The following CDH13 variants were observed in gnomAD, a reference collection of about 807,000 sequenced individuals.
CDH13 encodes the protein cadherin 13.
A neutral mutation model predicts 63.8 loss-of-function variants in CDH13; 24 were observed. That is an observed-to-expected ratio of 0.38 (90% CI 0.27 to 0.53). The LOEUF is 0.53. Ranked by LOEUF, CDH13 falls within the 20% of genes least tolerant of loss-of-function variation. CDH13 has a pLI of 0.85. For missense variants in CDH13, 1,049 were observed against 903.1 expected, an observed-to-expected ratio of 1.16 and a Z score of -2.07; for synonymous variants, 503 against 355.3, an observed-to-expected ratio of 1.42 and a Z score of -4.67.
intron 1 of CDH13, among the ~76,000 whole-genome samples, chr16:82,771,052 A>T (rs2035243949): frequency 6.6e-6 from 1 of 152,228 alleles, no homozygotes; most frequent in Admixed American, 6.5e-5. Context: ...TTTTTAAAAA[A>T]TTAAGTTGTG....
intron 2 of CDH13, among the ~76,000 whole-genome samples, chr16:83,000,297 G>A (rs1278935578): frequency 1.8e-5 from 2 of 109,984 alleles, no homozygotes; most frequent in Non-Finnish European, 3.4e-5. Flanking sequence ...TGCCCAGACT[G>A]TAGTGCAAAG....
intron 7 of CDH13, among the ~76,000 whole-genome samples, chr16:83,548,324 C>G (rs2075426884): frequency 6.6e-6 from 1 of 152,068 alleles, no homozygotes; most frequent in African/African-American, 2.4e-5. Context: ...TTGGTTGTTG[C>G]AACTGGCTGG....
At chr16:83,197,464 C>T (rs1244310404) in intron 4 of CDH13, among the ~76,000 whole-genome samples, 3 of 152,082 alleles carry the variant, frequency 2.0e-5, no homozygotes, top group South Asian at 2.1e-4. Context: ...CTGTTCACCC[C>T]GTTATGCTCT....
intron 5 of CDH13, among the ~76,000 whole-genome samples, chr16:83,290,043 G>C (rs537538334): frequency 6.6e-6 from 1 of 152,136 alleles, no homozygotes; most frequent in African/African-American, 2.4e-5. Context: ...AGATTGGCCT[G>C]TTTGGGGACT....
At chr16:82,702,477 A>G (rs2031118729) in intron 1 of CDH13, among the ~76,000 whole-genome samples, 1 of 152,178 alleles carries the variant, frequency 6.6e-6, no homozygotes. Context: ...CAGTGCAGGC[A>G]CCATAAATAC....
chr16:82,686,922 TTGTC>T (rs1463389069), intron 1 of CDH13, among the ~76,000 whole-genome samples: 1 of 152,166 alleles, frequency 6.6e-6, no homozygotes, highest in East Asian at 1.9e-4. Context: ...ACAGACAACA[TTGTC>T]TGTTTTTCAT....
chr16:83,360,624 G>A (rs184887854), intron 6 of CDH13, among the ~76,000 whole-genome samples: 78 of 152,164 alleles, frequency 5.1e-4, no homozygotes, highest in Middle Eastern at 3.4e-3. Flanking sequence ...AGCACCCTCC[G>A]CTAGTCCCCA....
intron 1 of CDH13, among the ~76,000 whole-genome samples, chr16:82,652,886 A>G (rs1009013725): frequency 1.3e-5 from 2 of 152,132 alleles, no homozygotes; most frequent in African/African-American, 2.4e-5. Flanking sequence ...GAAAATCAAA[A>G]CTGTTGCTCA....
chr16:82,671,876 T>TGC (rs1913286510), intron 1 of CDH13, among the ~76,000 whole-genome samples: 1 of 152,166 alleles, frequency 6.6e-6, no homozygotes, highest in Non-Finnish European at 1.5e-5. Flanking sequence ...AAGAGAAAGT[T>TGC]GCGCACCTGA....
At chr16:83,100,767 T>C (rs1008369008) in intron 3 of CDH13, among the ~76,000 whole-genome samples, 3 of 152,192 alleles carry the variant, frequency 2.0e-5, no homozygotes. Context: ...CAAACAGCCA[T>C]CCCCTTAGGG....
intron 4 of CDH13, among the ~76,000 whole-genome samples, chr16:83,191,215 T>C (rs928340914): frequency 3.5e-5 from 5 of 143,970 alleles, no homozygotes; most frequent in Non-Finnish European, 1.5e-5. Context: ...TACGAGATAA[T>C]ACATTTTCAG....
intron 3 of CDH13, among the ~76,000 whole-genome samples, chr16:83,049,581 T>A (rs2151501831): frequency 6.6e-6 from 1 of 152,228 alleles, no homozygotes; most frequent in South Asian, 2.1e-4. Context: ...GTGATCCGCC[T>A]GCCTCAGCCT....
intron 3 of CDH13, among the ~76,000 whole-genome samples, chr16:83,059,789 G>GTTTTTTTTT (rs1256608391): frequency 1.0e-5 from 1 of 98,754 alleles, no homozygotes; most frequent in African/African-American, 3.8e-5. Context: ...TTTTTTTTTT[G>GTTTTTTTTT]TTTGTTTTTT....
intron 2 of CDH13, chr16:82,954,049 C>T (rs1361978449): frequency 6.6e-6 from 1 of 151,990 alleles, no homozygotes; most frequent in East Asian, 1.9e-4. Flanking sequence ...GAGGTAATGC[C>T]AAGAAGCACT....
At chr16:83,402,371 C>T (rs1457561754) in intron 6 of CDH13, among the ~76,000 whole-genome samples, 1 of 152,066 alleles carries the variant, frequency 6.6e-6, no homozygotes, top group Non-Finnish European at 1.5e-5. Flanking sequence ...CAGTATAGCT[C>T]CCACTAGTGT....
rs949660688 is a variant in CDH13 at position 82,761,633 on chromosome 16, T to C, written c.46-96729T>C. ...CAGTTTGTAGGCTTGTGATTAGATA[T>C]AATTAAAAGTCACATAAAGTTCCAA... is the stretch of plus-strand genomic sequence containing the variant. On this transcript the variant is annotated intron_variant, in intron 1 of 13. Transcript: ENST00000567109. Among the ~76,000 whole-genome samples, 4 of 152,214 alleles carry C rather than the reference T, an allele frequency of 2.6e-5. No individual in the cohort carries two copies. In the East Asian group the frequency reaches 7.7e-4, roughly 29 times the overall value.
At chr16:82,849,782 C>A (rs1220462038) in intron 1 of CDH13, among the ~76,000 whole-genome samples, 1 of 152,188 alleles carries the variant, frequency 6.6e-6, no homozygotes, top group Non-Finnish European at 1.5e-5. Context: ...CCATTGCAAA[C>A]ATCTTAGGGC....
chr16:82,992,866 A>G (rs1240620667), intron 2 of CDH13, among the ~76,000 whole-genome samples: 1 of 152,192 alleles, frequency 6.6e-6, no homozygotes, highest in Non-Finnish European at 1.5e-5. Context: ...AATTATTGGT[A>G]AAAATGAAGA....
chr16:82,673,706 C>A (rs1480997192), intron 1 of CDH13, among the ~76,000 whole-genome samples: 2 of 152,190 alleles, frequency 1.3e-5, no homozygotes, highest in Admixed American at 1.3e-4. Context: ...TTTAGTTAAA[C>A]CTGTATATGT....
Sources: gnomAD v4.1 joint callset for allele counts (sites outside exome capture counted in the v4.1 genomes callset) on GRCh38, gnomAD v4.1.1 for gene constraint, MANE v1.5 for transcripts, NCBI Gene and HGNC (gene_info 2026-07-23, HGNC 2026-07-21) for gene names.